SEMA3A: variants seen among roughly 807,000 people sequenced by gnomAD.
The protein encoded by SEMA3A is semaphorin 3A, also known as semaphorin-3A.
In SEMA3A, 29 loss-of-function variants were observed where a neutral mutation model predicts 97.9. That is an observed-to-expected ratio of 0.30 (90% confidence interval 0.22 to 0.40). The LOEUF is 0.40. Ranked by LOEUF, SEMA3A falls within the 10% of genes least tolerant of loss-of-function variation. SEMA3A has a pLI of 1.00. For synonymous variants in SEMA3A, 321 were observed against 323.7 expected (o/e 0.99, Z 0.09); for missense variants, 763 against 951.3 (o/e 0.80, Z 2.60).
rs73179380 is a variant in SEMA3A, at chr7:84,170,423, T to G, written c.112+24052A>C. On this transcript the variant is annotated intron_variant, in intron 1 of 16. Coordinates refer to ENST00000265362, the MANE Select transcript of SEMA3A (RefSeq NM_006080.3). The stretch of plus-strand genomic sequence containing the variant: ...GAGTCTTTTTCAGTGGTGCTTTTTA[T>G]GCTAATAACTCTACACTTTAACAAA... 3.3e-3 allele frequency among the ~76,000 whole-genome samples: 506 copies of G among 152,142 alleles called. 4 individuals carry two copies. The highest frequency in any genetic ancestry group is 0.014 in the Middle Eastern group (4 of 294).
intron 1 of SEMA3A, among the ~76,000 whole-genome samples, chr7:84,158,223 C>T (rs1350300802): frequency 1.5e-5 from 2 of 132,618 alleles, no homozygotes; most frequent in Admixed American, 9.2e-5. Flanking sequence ...GGCGTGATCT[C>T]GGCTCACTGC....
intron 2 of SEMA3A, among the ~76,000 whole-genome samples, chr7:84,318,088 T>C (rs1380155928): frequency 6.6e-6 from 1 of 151,772 alleles, no homozygotes; most frequent in Admixed American, 6.6e-5. Flanking sequence ...TAGTACAATA[T>C]TGCTCTTTTT....
At chr7:84,095,566 T>C (rs1024928544) in intron 4 of SEMA3A, among the ~76,000 whole-genome samples, 1 of 150,868 alleles carries the variant, frequency 6.6e-6, no homozygotes, top group African/African-American at 2.4e-5. Context: ...TTTCATGCCC[T>C]ATGTCTTATG....
At chr7:84,444,510 T>C (rs528363114) in intron 1 of SEMA3A, among the ~76,000 whole-genome samples, 2 of 152,252 alleles carry the variant, frequency 1.3e-5, no homozygotes, top group East Asian at 3.9e-4. Flanking sequence ...TGCTGTGGGC[T>C]TCATCTTCAA....
At chr7:84,195,487 G>A (rs1236171260), upstream of SEMA3A, 1 of 151,644 alleles carries the variant, frequency 6.6e-6, no homozygotes, top group Admixed American at 6.6e-5. Context: ...AACCACTGAA[G>A]GTTTTAAAGC....
chr7:84,350,181 T>C (rs1331483682), intron 2 of SEMA3A, among the ~76,000 whole-genome samples: 1 of 152,152 alleles, frequency 6.6e-6, no homozygotes, highest in African/African-American at 2.4e-5. Context: ...TTAGATTAAA[T>C]GTTTCTCATA....
intron 16 of SEMA3A, among the ~76,000 whole-genome samples, chr7:83,962,540 G>A (rs1237715968): frequency 2.6e-5 from 4 of 152,032 alleles, no homozygotes; most frequent in East Asian, 1.9e-4. Context: ...TTGTAAAATC[G>A]TCTGCATATA....
chr7:84,474,636 T>C (rs766593653), intron 1 of SEMA3A, among the ~76,000 whole-genome samples: 1 of 152,186 alleles, frequency 6.6e-6, no homozygotes, highest in South Asian at 2.1e-4. Flanking sequence ...GAGTTATTAC[T>C]ACCTGACAGT....
At chr7:84,197,445 AAAAAATG>A (rs1361321056), upstream of SEMA3A, among the ~76,000 whole-genome samples, 1 of 152,214 alleles carries the variant, frequency 6.6e-6, no homozygotes, top group Non-Finnish European at 1.5e-5. Flanking sequence ...AATGTTAAAT[AAAAAATG>A]AAAGAAGAAA....
At chr7:84,088,266 T>A (rs1406577859) in intron 4 of SEMA3A, among the ~76,000 whole-genome samples, 1 of 151,874 alleles carries the variant, frequency 6.6e-6, no homozygotes, top group African/African-American at 2.4e-5. Flanking sequence ...CCATCCTGGC[T>A]AACACGGTGA....
At chr7:84,464,373 G>A (rs1805937991) in intron 1 of SEMA3A, among the ~76,000 whole-genome samples, 1 of 152,154 alleles carries the variant, frequency 6.6e-6, no homozygotes, top group Admixed American at 6.5e-5. Flanking sequence ...TTGCTTTGAG[G>A]AGCTGACATT....
rs898824923 is a variant in SEMA3A at position 84,479,703 on chromosome 7, TA to T, written c.-246+12756del. ...TTGTCAAAGAGCTATATTTTATTCT[TA>T]AAAAAAATACAATCCCAAATAATGT... On this transcript the variant is annotated intron_variant, in intron 1 of 3. Transcript: ENST00000424555. Among the ~76,000 whole-genome samples, 7 of 152,030 alleles carry T rather than the reference TA, an allele frequency of 4.6e-5. No individual in the cohort carries two copies. In the South Asian group the frequency reaches 6.2e-4, roughly 14 times the overall value.
At chr7:84,168,343 C>G (rs2116193403) in intron 1 of SEMA3A, among the ~76,000 whole-genome samples, 1 of 152,120 alleles carries the variant, frequency 6.6e-6, no homozygotes, top group Middle Eastern at 3.4e-3. Flanking sequence ...CGTTAATAAA[C>G]TCTTTTGTTC....
At chr7:84,290,024 A>G (rs143731544) in intron 3 of SEMA3A, among the ~76,000 whole-genome samples, 186 of 152,268 alleles carry the variant, frequency 1.2e-3, no homozygotes, top group African/African-American at 4.3e-3. Context: ...CAGAAATTAT[A>G]TAATTTCATT....
intron 2 of SEMA3A, among the ~76,000 whole-genome samples, chr7:84,328,362 A>C: frequency 6.6e-6 from 1 of 152,060 alleles, no homozygotes; most frequent in Non-Finnish European, 1.5e-5. Context: ...TCCTACAGAA[A>C]GTTCTGACAT....
intron 2 of SEMA3A, among the ~76,000 whole-genome samples, chr7:84,323,066 A>C (rs13226118): frequency 6.4e-3 from 979 of 152,320 alleles, no homozygotes; most frequent in Non-Finnish European, 0.011. Flanking sequence ...ACCCTTTGTC[A>C]GTGTATAATG....
chr7:84,122,866 C>T (rs1328251049), intron 3 of SEMA3A, among the ~76,000 whole-genome samples: 1 of 152,048 alleles, frequency 6.6e-6, no homozygotes, highest in Non-Finnish European at 1.5e-5. Flanking sequence ...GGAGTAACAA[C>T]TAAGGACAAA....
chr7:84,053,040 T>C (rs1207383088), intron 5 of SEMA3A, among the ~76,000 whole-genome samples: 1 of 148,440 alleles, frequency 6.7e-6, no homozygotes, highest in Non-Finnish European at 1.5e-5. Context: ...AGATTCTTAA[T>C]CCTGAGTTCT....
chr7:84,229,548 G>A (rs971326913), intron 3 of SEMA3A, among the ~76,000 whole-genome samples: 9 of 152,024 alleles, frequency 5.9e-5, no homozygotes, highest in African/African-American at 1.9e-4. Context: ...TTAGTTTCTG[G>A]GGACTACCAT....
Sources: gnomAD v4.1 joint callset for allele counts (sites outside exome capture counted in the v4.1 genomes callset) on GRCh38, gnomAD v4.1.1 for gene constraint, MANE v1.5 for transcripts, NCBI Gene and HGNC (gene_info 2026-07-23, HGNC 2026-07-21) for gene names.